SNTG1: variants seen among roughly 807,000 people sequenced by gnomAD.
The protein encoded by SNTG1 is gamma-1-syntrophin.
Under a neutral mutation model 74.7 loss-of-function variants are expected in SNTG1, and 39 were observed. The observed-to-expected ratio is 0.52, with a 90% confidence interval of 0.40 to 0.68. The LOEUF (loss-of-function observed/expected upper bound fraction) is 0.68. Among genes scored for constraint, SNTG1 ranks in the 30% least tolerant of loss-of-function variants. The pLI is 0.00. For missense variants in SNTG1, 685 were observed against 609.5 expected, an observed-to-expected ratio of 1.12 and a Z score of -1.30; for synonymous variants, 254 against 217.1, an observed-to-expected ratio of 1.17 and a Z score of -1.49.
intron 9 of SNTG1, among the ~76,000 whole-genome samples, chr8:50,528,608 A>T (rs185872718): frequency 6.6e-6 from 1 of 151,700 alleles, no homozygotes; most frequent in Admixed American, 6.6e-5. Context: ...AAGAGTTGAT[A>T]GTCTCTTTCT....
chr8:50,712,665 C>G (rs1472208877), intron 17 of SNTG1, among the ~76,000 whole-genome samples: 1 of 151,988 alleles, frequency 6.6e-6, no homozygotes, highest in Non-Finnish European at 1.5e-5. Context: ...TATCCCCACC[C>G]CTCAACAGGC....
At chr8:50,471,227 T>C (rs1383818) in intron 8 of SNTG1, among the ~76,000 whole-genome samples, 138,407 of 151,876 alleles carry the variant, frequency 0.91, 63,367 homozygotes, top group Non-Finnish European at 0.97. Context: ...CCAAGCAAGG[T>C]GTTTAAAAAT....
At chr8:50,289,564 A>T (rs2088974919) in intron 2 of SNTG1, among the ~76,000 whole-genome samples, 1 of 152,188 alleles carries the variant, frequency 6.6e-6, no homozygotes, top group Non-Finnish European at 1.5e-5. Context: ...TTAATTATTC[A>T]TACTTAAAGA....
chr8:50,433,920 A>C (rs2093272067), intron 4 of SNTG1, among the ~76,000 whole-genome samples: 1 of 152,190 alleles, frequency 6.6e-6, no homozygotes, highest in African/African-American at 2.4e-5. Context: ...GTTAAGTTCT[A>C]GGGTACATGT....
chr8:50,743,649 GAA>G (rs200532227), intron 17 of SNTG1, among the ~76,000 whole-genome samples: 5 of 128,830 alleles, frequency 3.9e-5, no homozygotes, highest in South Asian at 5.3e-4. Context: ...TATTAGGCAA[GAA>G]AAAAAAAAAG....
chr8:49,962,493 G>A (rs187211530), intron 1 of SNTG1, among the ~76,000 whole-genome samples: 52 of 152,016 alleles, frequency 3.4e-4, no homozygotes, highest in African/African-American at 1.1e-3. Context: ...AAAAAGAGCC[G>A]GGTCTTGTTC....
intron 18 of SNTG1, among the ~76,000 whole-genome samples, chr8:50,754,825 GC>G (rs1469597806): frequency 3.3e-5 from 5 of 151,740 alleles, no homozygotes; most frequent in African/African-American, 1.2e-4. Context: ...CACTGCATTT[GC>G]TGCATCCCCA....
chr8:50,627,292 C>T (rs2094962838), intron 13 of SNTG1, among the ~76,000 whole-genome samples: 1 of 152,080 alleles, frequency 6.6e-6, no homozygotes, highest in African/African-American at 2.4e-5. Context: ...TACTTTTATT[C>T]TGAATCATAG....
intron 13 of SNTG1, among the ~76,000 whole-genome samples, chr8:50,591,750 G>A (rs2094693206): frequency 6.6e-6 from 1 of 152,214 alleles, no homozygotes; most frequent in Non-Finnish European, 1.5e-5. Context: ...CTAGAACACT[G>A]TAGAGAACAG....
chr8:50,065,312 T>C (rs187310989), intron 1 of SNTG1, among the ~76,000 whole-genome samples: 8 of 152,332 alleles, frequency 5.3e-5, no homozygotes, highest in African/African-American at 1.9e-4. Flanking sequence ...TTTTTTATCT[T>C]ATTTTTGTTT....
At chr8:50,412,708 A>G (rs977312837) in intron 4 of SNTG1, among the ~76,000 whole-genome samples, 2 of 152,194 alleles carry the variant, frequency 1.3e-5, no homozygotes, top group African/African-American at 4.8e-5. Context: ...TGCGGGATAT[A>G]TGTAATTTTG....
At position 50,733,593 on chromosome 8, in the gene SNTG1, T is replaced by C. The variant is rs138802677; in HGVS notation, c.1285-18408T>C. On this transcript the variant is annotated intron_variant, in intron 17 of 18. Transcript: ENST00000642720. ...TTCTCTTCAGCCTTACCAGGATCTG[T>C]TGTTTTTGACATTTTAATAATAGCC... 3.8e-3 allele frequency among the ~76,000 whole-genome samples: 571 copies of C among 152,004 alleles called. 4 individuals are homozygous for C. The highest frequency in any genetic ancestry group is 0.011 in the African/African-American group (460 of 41,532).
chr8:50,401,771 T>G (rs900962114), intron 3 of SNTG1, among the ~76,000 whole-genome samples: 2 of 152,158 alleles, frequency 1.3e-5, no homozygotes, highest in South Asian at 2.1e-4. Context: ...AATGGAAATG[T>G]TCTAAAATTG....
chr8:49,925,609 C>T (rs1806951314), intron 1 of SNTG1, among the ~76,000 whole-genome samples: 1 of 152,164 alleles, frequency 6.6e-6, no homozygotes, highest in African/African-American at 2.4e-5. Context: ...GATTCACACC[C>T]AGCTACCCTG....
intron 18 of SNTG1, among the ~76,000 whole-genome samples, chr8:50,753,606 T>C (rs1172805029): frequency 3.3e-5 from 5 of 151,952 alleles, no homozygotes; most frequent in Non-Finnish European, 7.4e-5. Flanking sequence ...GTAGCGTGTA[T>C]TATACATGCA....
intron 2 of SNTG1, among the ~76,000 whole-genome samples, chr8:50,313,306 T>C (rs1042925517): frequency 1.3e-5 from 2 of 149,514 alleles, no homozygotes; most frequent in Non-Finnish European, 2.9e-5. Context: ...AAAGCAAAAA[T>C]ACACAAATGG....
intron 4 of SNTG1, among the ~76,000 whole-genome samples, chr8:50,430,406 A>G (rs1460016045): frequency 6.6e-6 from 1 of 152,104 alleles, no homozygotes; most frequent in Non-Finnish European, 1.5e-5. Flanking sequence ...TAGCCTCCTC[A>G]TCTTGCTTAT....
At chr8:50,525,081 G>A (rs1327327749) in intron 9 of SNTG1, among the ~76,000 whole-genome samples, 2 of 151,950 alleles carry the variant, frequency 1.3e-5, no homozygotes, top group African/African-American at 2.4e-5. Context: ...GAAGTCCCAT[G>A]GTTTTTGTTT....
chr8:50,491,709 A>C (rs2093855923), intron 8 of SNTG1, among the ~76,000 whole-genome samples: 1 of 151,416 alleles, frequency 6.6e-6, no homozygotes, highest in Non-Finnish European at 1.5e-5. Flanking sequence ...TTATTTATTT[A>C]TTTATTTATT....
Sources: gnomAD v4.1 joint callset for allele counts (sites outside exome capture counted in the v4.1 genomes callset) on GRCh38, gnomAD v4.1.1 for gene constraint, MANE v1.5 for transcripts, NCBI Gene and HGNC (gene_info 2026-07-23, HGNC 2026-07-21) for gene names.